The following VTI1A variants were observed in gnomAD, a reference collection of about 807,000 sequenced individuals.
The protein encoded by VTI1A is vesicle transport through interaction with t-SNAREs 1A.
VTI1A carries 22 observed loss-of-function variants against 34.9 expected under a neutral mutation model. That is an observed-to-expected ratio of 0.63 (90% CI 0.45 to 0.90). The LOEUF (loss-of-function observed/expected upper bound fraction) is 0.90, where lower values mean the gene tolerates loss of function less well. Among genes scored for constraint, VTI1A ranks in the 40% least tolerant of loss-of-function variants. The pLI, the probability that VTI1A is intolerant of heterozygous loss-of-function variation, is 0.00. For synonymous variants in VTI1A, 87 were observed against 97.3 expected, an observed-to-expected ratio of 0.89 and a Z score of 0.62; for missense variants, 268 against 275.6, an observed-to-expected ratio of 0.97 and a Z score of 0.20.
the VTI1A span, chr10:112,825,912 A>G: frequency 6.6e-6 from 1 of 152,232 alleles, no homozygotes; most frequent in Non-Finnish European, 1.5e-5. Context: ...ATTGCACAAT[A>G]TAAAAAGGAA....
intron 3 of VTI1A, among the ~76,000 whole-genome samples, chr10:112,509,004 C>G (rs1279118342): frequency 6.6e-6 from 1 of 152,148 alleles, no homozygotes; most frequent in African/African-American, 2.4e-5. Flanking sequence ...TCTTTTTAGT[C>G]AGGAGAGGTT....
intron 3 of VTI1A, among the ~76,000 whole-genome samples, chr10:112,476,291 G>A (rs965088969): frequency 1.3e-5 from 2 of 152,140 alleles, no homozygotes; most frequent in Admixed American, 6.5e-5. Flanking sequence ...CAGAAACTGT[G>A]TTATCAAGAC....
At chr10:112,752,126 C>A (rs930870235) in intron 7 of VTI1A, among the ~76,000 whole-genome samples, 2 of 152,130 alleles carry the variant, frequency 1.3e-5, no homozygotes, top group Middle Eastern at 3.2e-3. Context: ...TAACCATACA[C>A]AGGTAATGTA....
chr10:112,579,977 A>G (rs7083180), intron 5 of VTI1A, among the ~76,000 whole-genome samples: 6,369 of 152,266 alleles, frequency 0.042, 476 homozygotes, highest in African/African-American at 0.14. Context: ...TTGATCCTAG[A>G]ATTTTCTTTT....
At chr10:112,801,806 A>T (rs1490409719) in intron 7 of VTI1A, among the ~76,000 whole-genome samples, 1 of 152,254 alleles carries the variant, frequency 6.6e-6, no homozygotes, top group African/African-American at 2.4e-5. Context: ...GAAAGAAAAC[A>T]GGCAGTGTGC....
At chr10:112,832,775 G>A in the VTI1A span, among the ~76,000 whole-genome samples, 6 of 152,294 alleles carry the variant, frequency 3.9e-5, no homozygotes, top group Admixed American at 6.5e-5. Flanking sequence ...CAGTGGCCAC[G>A]GGAGCCCATT....
Position 112,736,837 on chromosome 10 carries a change from A to G in VTI1A, c.560+67839A>G, listed in dbSNP as rs1247582800. 16 of 1,095,494 alleles carry G rather than the reference A, an allele frequency of 1.5e-5. No individual in the cohort carries two copies. The East Asian group carries it at 2.8e-4, about 19-fold the overall frequency. 67.9% of individuals were successfully genotyped at this position (1,095,494 alleles called of 1,614,324 possible). On this transcript the variant is annotated intron_variant, in intron 7 of 7. Transcript: ENST00000393077. Reference sequence around the variant, plus strand: ...TGTGCCTTCAATGAGAAGCCTTCTCACTGAAAGAGCTGCCCTGGACGGAAA... The same window carrying G: ...TGTGCCTTCAATGAGAAGCCTTCTCGCTGAAAGAGCTGCCCTGGACGGAAA...
At chr10:112,642,372 C>T (rs1846607829) in intron 5 of VTI1A, among the ~76,000 whole-genome samples, 1 of 152,192 alleles carries the variant, frequency 6.6e-6, no homozygotes. Flanking sequence ...CCCTCTCCAT[C>T]AGTTCTATGG....
At chr10:112,745,357 A>G (rs1287082643) in intron 7 of VTI1A, among the ~76,000 whole-genome samples, 1 of 152,060 alleles carries the variant, frequency 6.6e-6, no homozygotes, top group East Asian at 1.9e-4. Flanking sequence ...TTGTCTATAT[A>G]TGAGCTGTAG....
downstream of VTI1A, among the ~76,000 whole-genome samples, chr10:112,819,198 T>G (rs1853605029): frequency 6.6e-6 from 1 of 152,216 alleles, no homozygotes. Flanking sequence ...TCGTAAATAT[T>G]AATAGCAGTT....
intron 5 of VTI1A, among the ~76,000 whole-genome samples, chr10:112,609,817 G>C (rs12098458): frequency 6.6e-6 from 1 of 152,038 alleles, no homozygotes; most frequent in Non-Finnish European, 1.5e-5. Flanking sequence ...ATGGAGCAGC[G>C]GTCCCAAATC....
intron 5 of VTI1A, among the ~76,000 whole-genome samples, chr10:112,634,419 C>T (rs1053599018): frequency 6.6e-6 from 1 of 151,668 alleles, no homozygotes; most frequent in African/African-American, 2.4e-5. Context: ...TTTTAAGTCA[C>T]TTGACAATAC....
chr10:112,846,515 C>T, the VTI1A span, among the ~76,000 whole-genome samples: 1 of 151,852 alleles, frequency 6.6e-6, no homozygotes, highest in African/African-American at 2.4e-5. Context: ...GCCTGTAATC[C>T]CAGCACTTTG....
At chr10:112,636,722 C>A (rs1427922709) in intron 5 of VTI1A, among the ~76,000 whole-genome samples, 1 of 96,996 alleles carries the variant, frequency 1.0e-5, no homozygotes, top group African/African-American at 3.6e-5. Context: ...GAGCAAGACT[C>A]GATCTCAAAA....
chr10:112,505,678 T>G (rs1296655958), intron 3 of VTI1A, among the ~76,000 whole-genome samples: 1 of 128,430 alleles, frequency 7.8e-6, no homozygotes, highest in Non-Finnish European at 1.7e-5. Flanking sequence ...AATCACATAA[T>G]TTTTTTTTTT....
At chr10:112,582,900 C>T (rs1844003403) in intron 5 of VTI1A, among the ~76,000 whole-genome samples, 1 of 152,074 alleles carries the variant, frequency 6.6e-6, no homozygotes. Flanking sequence ...TGTAAAAAAC[C>T]TCCAAGAAAA....
intron 5 of VTI1A, among the ~76,000 whole-genome samples, chr10:112,600,458 A>G (rs1050547561): frequency 1.3e-5 from 2 of 152,136 alleles, no homozygotes; most frequent in Admixed American, 1.3e-4. Flanking sequence ...CTCCTCTAAA[A>G]TACCCAGCAC....
the VTI1A span, chr10:112,826,979 C>G: frequency 6.6e-6 from 1 of 152,160 alleles, no homozygotes; most frequent in Non-Finnish European, 1.5e-5. Flanking sequence ...AGATTTCATA[C>G]TCGATAGTGT....
Position 112,681,741 on chromosome 10 carries a change from A to G in VTI1A, c.560+12743A>G, listed in dbSNP as rs1224785104. 7.9e-5 allele frequency among the ~76,000 whole-genome samples: 12 copies of G among 152,300 alleles called. No homozygotes were observed. The East Asian group carries it at 2.1e-3, about 27-fold the overall frequency. ...ACTTTACATATTTATAAAATTACCT[A>G]TTTATTAAAAAGTTCATTTTAAAGA... On this transcript the variant is annotated intron_variant, in intron 7 of 7. Coordinates refer to ENST00000393077, the MANE Select transcript of VTI1A (RefSeq NM_145206.4).
Sources: allele counts gnomAD v4.1 joint callset (sites outside exome capture counted in the v4.1 genomes callset), GRCh38; gene constraint gnomAD v4.1.1; transcripts MANE v1.5; gene names NCBI Gene and HGNC (gene_info 2026-07-23, HGNC 2026-07-21).